The following ARK2N variants were observed in gnomAD, a reference collection of about 807,000 sequenced individuals.
The protein encoded by ARK2N is protein ARK2N.
At chr18:46,209,272 T>C in the ARK2N span, among the ~76,000 whole-genome samples, 2 of 151,144 alleles carry the variant, frequency 1.3e-5, no homozygotes, top group African/African-American at 2.4e-5. Flanking sequence ...CTGTAGCAGA[T>C]GTTATAATAC....
chr18:46,216,074 A>C, the ARK2N span: 1 of 1,613,804 alleles, frequency 6.2e-7, no homozygotes, highest in East Asian at 2.2e-5. This position sits in a 1 kb window ranked among gnomAD's most constrained non-coding sequence, Gnocchi z 4.3. Flanking sequence ...CTGAGAAGGG[A>C]CTCTTCTGAG....
chr18:46,262,037 T>A, the ARK2N span, among the ~76,000 whole-genome samples: 1 of 152,204 alleles, frequency 6.6e-6, no homozygotes, highest in Non-Finnish European at 1.5e-5. Flanking sequence ...TCATGCCACT[T>A]GTTACTTCTC....
At chr18:46,239,650 G>GT in the ARK2N span, among the ~76,000 whole-genome samples, 1,751 of 152,126 alleles carry the variant, frequency 0.012, 62 homozygotes, top group East Asian at 0.12. Context: ...ATTTGCATCA[G>GT]TTTTTTCCTT....
the ARK2N span, among the ~76,000 whole-genome samples, chr18:46,198,996 T>G: frequency 2.6e-5 from 4 of 152,316 alleles, no homozygotes; most frequent in African/African-American, 9.6e-5. Flanking sequence ...ATGATAATCA[T>G]AAACCTACAT....
the ARK2N span, among the ~76,000 whole-genome samples, chr18:46,187,207 G>A: frequency 2.0e-5 from 3 of 149,550 alleles, no homozygotes; most frequent in Admixed American, 6.6e-5. Context: ...GCTTGAACCC[G>A]GGAGGCAGAG....
At chr18:46,220,382 T>C in the ARK2N span, among the ~76,000 whole-genome samples, 1 of 152,244 alleles carries the variant, frequency 6.6e-6, no homozygotes, top group Non-Finnish European at 1.5e-5. Context: ...CATGACCAGC[T>C]ATCATCTTAC....
chr18:46,231,334 T>C, the ARK2N span, among the ~76,000 whole-genome samples: 93,383 of 152,042 alleles, frequency 0.61, 31,227 homozygotes, highest in Non-Finnish European at 0.74. Flanking sequence ...GTACCCATCT[T>C]CAGAATTCTG....
the ARK2N span, among the ~76,000 whole-genome samples, chr18:46,178,363 A>C: frequency 6.6e-6 from 1 of 152,172 alleles, no homozygotes; most frequent in Non-Finnish European, 1.5e-5. Context: ...CCCAGGCTGG[A>C]GTGCAATGGC....
the ARK2N span, among the ~76,000 whole-genome samples, chr18:46,200,649 C>T: frequency 6.6e-6 from 1 of 152,184 alleles, no homozygotes; most frequent in Non-Finnish European, 1.5e-5. Flanking sequence ...GGTAGGGCAG[C>T]TGAAGTCTGG....
At chr18:46,183,098 G>A in the ARK2N span, among the ~76,000 whole-genome samples, 1 of 151,934 alleles carries the variant, frequency 6.6e-6, no homozygotes, top group African/African-American at 2.4e-5. Context: ...AAAAGGAAGA[G>A]TTCCTTAATG....
At chr18:46,190,117 G>A in the ARK2N span, among the ~76,000 whole-genome samples, 3 of 152,090 alleles carry the variant, frequency 2.0e-5, no homozygotes, top group Non-Finnish European at 4.4e-5. Flanking sequence ...TTAGCTATGA[G>A]CAATAATTAA....
the ARK2N span, among the ~76,000 whole-genome samples, chr18:46,226,148 C>T: frequency 6.6e-6 from 1 of 152,046 alleles, no homozygotes; most frequent in Non-Finnish European, 1.5e-5. Context: ...TAATTTGTTG[C>T]TAGTTTTCAT....
At chr18:46,252,192 C>CA in the ARK2N span, among the ~76,000 whole-genome samples, 22,633 of 133,610 alleles carry the variant, frequency 0.17, 1,789 homozygotes, top group East Asian at 0.22. Context: ...GACTCCATCT[C>CA]AAAAAAAAAA....
At chr18:46,203,206 G>A in the ARK2N span, among the ~76,000 whole-genome samples, 3 of 152,166 alleles carry the variant, frequency 2.0e-5, no homozygotes, top group Non-Finnish European at 4.4e-5. Flanking sequence ...TCATGAATGC[G>A]TTGCTCATGA....
At chr18:46,238,452 TAGAAAAGAA>T in the ARK2N span, among the ~76,000 whole-genome samples, 1 of 152,164 alleles carries the variant, frequency 6.6e-6, no homozygotes, top group African/African-American at 2.4e-5. Flanking sequence ...TTTCTTTTTT[TAGAAAAGAA>T]AAACCTGAAA....
At chr18:46,200,252 T>C in the ARK2N span, among the ~76,000 whole-genome samples, 1 of 152,112 alleles carries the variant, frequency 6.6e-6, no homozygotes, top group Non-Finnish European at 1.5e-5. Context: ...TTATACTGAG[T>C]TCAGGATTTG....
the ARK2N span, among the ~76,000 whole-genome samples, chr18:46,255,445 C>CTTTTCTTTTTT: frequency 6.4e-5 from 5 of 77,728 alleles, no homozygotes; most frequent in African/African-American, 3.1e-4. Context: ...CTTTTCTTTT[C>CTTTTCTTTTTT]TTTTTTTTTT....
At chr18:46,243,517 G>A in the ARK2N span, among the ~76,000 whole-genome samples, 3 of 152,092 alleles carry the variant, frequency 2.0e-5, no homozygotes, top group Non-Finnish European at 2.9e-5. Flanking sequence ...TGATTATCTT[G>A]CATCCAAAAT....
chr18:46,182,769 A>C, the ARK2N span, among the ~76,000 whole-genome samples: 6 of 144,534 alleles, frequency 4.2e-5, no homozygotes, highest in African/African-American at 1.3e-4. Flanking sequence ...GTGCAGGTCC[A>C]GGTACATGCC....
Sources: gnomAD v4.1 joint callset for allele counts (sites outside exome capture counted in the v4.1 genomes callset) on GRCh38, gnomAD v4.1.1 for gene constraint, Gnocchi (gnomAD v3.1) non-coding constraint, MANE v1.5 for transcripts, NCBI Gene and HGNC (gene_info 2026-07-23, HGNC 2026-07-21) for gene names.